The following ARB2A variants were observed in gnomAD, a reference collection of about 807,000 sequenced individuals.
The protein encoded by ARB2A is ARB2 cotranscriptional regulator A.
chr5:94,070,582 C>T, the ARB2A span, among the ~76,000 whole-genome samples: 1 of 151,828 alleles, frequency 6.6e-6, no homozygotes, highest in Non-Finnish European at 1.5e-5. Context: ...ATGCATATAA[C>T]AAAATATCAC....
chr5:93,660,434 A>G, the ARB2A span, among the ~76,000 whole-genome samples: 2 of 152,126 alleles, frequency 1.3e-5, no homozygotes, highest in Non-Finnish European at 2.9e-5. Flanking sequence ...AGAAAGCAGA[A>G]CTTATGGTAG....
chr5:94,015,574 T>G, the ARB2A span, among the ~76,000 whole-genome samples: 1 of 152,002 alleles, frequency 6.6e-6, no homozygotes, highest in Non-Finnish European at 1.5e-5. Context: ...GTCAAATCTA[T>G]CAAAAACAGT....
At chr5:93,873,734 G>A in the ARB2A span, among the ~76,000 whole-genome samples, 1 of 152,114 alleles carries the variant, frequency 6.6e-6, no homozygotes, top group Non-Finnish European at 1.5e-5. Flanking sequence ...TGTCAGGTGG[G>A]AGCCACTCCT....
chr5:94,052,647 T>C, the ARB2A span, among the ~76,000 whole-genome samples: 1 of 152,344 alleles, frequency 6.6e-6, no homozygotes, highest in South Asian at 2.1e-4. Context: ...GTAAAGGTTA[T>C]TGTATTCAGA....
chr5:94,110,674 GAGAT>G, the ARB2A span, among the ~76,000 whole-genome samples: 2 of 152,190 alleles, frequency 1.3e-5, no homozygotes, highest in Non-Finnish European at 2.9e-5. Flanking sequence ...CCTTATCAAT[GAGAT>G]ATTTGTTATG....
the ARB2A span, among the ~76,000 whole-genome samples, chr5:93,872,705 C>G: frequency 6.6e-6 from 1 of 151,950 alleles, no homozygotes; most frequent in Non-Finnish European, 1.5e-5. Context: ...ATCACAAGGT[C>G]ATGAGATCGA....
chr5:93,973,348 AG>A, the ARB2A span, among the ~76,000 whole-genome samples: 1 of 151,868 alleles, frequency 6.6e-6, no homozygotes, highest in Non-Finnish European at 1.5e-5. Context: ...GGCCCTTCCA[AG>A]TCAACCCAGA....
At chr5:93,648,715 C>T in the ARB2A span, among the ~76,000 whole-genome samples, 1 of 152,164 alleles carries the variant, frequency 6.6e-6, no homozygotes, top group Non-Finnish European at 1.5e-5. Context: ...AAATAGTGTA[C>T]ACAGCTGAAC....
the ARB2A span, among the ~76,000 whole-genome samples, chr5:93,650,356 T>C: frequency 6.6e-6 from 1 of 152,138 alleles, no homozygotes; most frequent in Non-Finnish European, 1.5e-5. Flanking sequence ...AACTATAAAG[T>C]TTGATATTTG....
At chr5:93,721,973 C>G in the ARB2A span, among the ~76,000 whole-genome samples, 1 of 152,140 alleles carries the variant, frequency 6.6e-6, no homozygotes, top group African/African-American at 2.4e-5. Flanking sequence ...ACCAGCACTA[C>G]TAAAATACCT....
chr5:93,940,915 C>G, the ARB2A span, among the ~76,000 whole-genome samples: 1 of 151,984 alleles, frequency 6.6e-6, no homozygotes, highest in Non-Finnish European at 1.5e-5. Context: ...AGGGGATAAG[C>G]TGATAATTAA....
At chr5:93,896,781 C>T in the ARB2A span, among the ~76,000 whole-genome samples, 39 of 151,966 alleles carry the variant, frequency 2.6e-4, no homozygotes, top group African/African-American at 8.2e-4. Flanking sequence ...CAAAATGACA[C>T]GTGAGCCCAA....
chr5:93,727,341 A>T, the ARB2A span, among the ~76,000 whole-genome samples: 1 of 151,742 alleles, frequency 6.6e-6, no homozygotes, highest in Admixed American at 6.6e-5. Context: ...AGCATTTACT[A>T]ACCCTTTTAA....
the ARB2A span, chr5:93,741,378 C>A: frequency 6.2e-6 from 10 of 1,612,340 alleles, no homozygotes; most frequent in East Asian, 2.2e-5. Context: ...CCAGGGGAAT[C>A]CTCCACACGT....
chr5:94,033,014 A>C, the ARB2A span, among the ~76,000 whole-genome samples: 1 of 152,090 alleles, frequency 6.6e-6, no homozygotes, highest in African/African-American at 2.4e-5. Context: ...AGTTCTCATG[A>C]AATCTGATGG....
At chr5:93,853,308 G>C in the ARB2A span, among the ~76,000 whole-genome samples, 4 of 151,528 alleles carry the variant, frequency 2.6e-5, no homozygotes, top group Non-Finnish European at 5.9e-5. Context: ...CATTGATTTT[G>C]TATCCTGAGA....
the ARB2A span, among the ~76,000 whole-genome samples, chr5:93,896,424 G>T: frequency 1.3e-5 from 2 of 151,986 alleles, no homozygotes; most frequent in African/African-American, 4.8e-5. Flanking sequence ...ACTGTATAAA[G>T]TTACTTTCAG....
the ARB2A span, among the ~76,000 whole-genome samples, chr5:93,910,099 C>T: frequency 1.3e-5 from 2 of 150,948 alleles, no homozygotes; most frequent in Non-Finnish European, 3.0e-5. Flanking sequence ...ATATATATCA[C>T]TGACTTCATT....
the ARB2A span, among the ~76,000 whole-genome samples, chr5:93,933,982 G>A: frequency 2.0e-5 from 3 of 151,948 alleles, no homozygotes; most frequent in African/African-American, 7.3e-5. Context: ...TTACAGCCTG[G>A]GTACAGAGCA....
Sources: gnomAD v4.1 joint callset for allele counts (sites outside exome capture counted in the v4.1 genomes callset) on GRCh38, gnomAD v4.1.1 for gene constraint, MANE v1.5 for transcripts, NCBI Gene and HGNC (gene_info 2026-07-23, HGNC 2026-07-21) for gene names.